RIMBP2: variants seen among roughly 807,000 people sequenced by gnomAD.
RIMBP2 encodes RIMS-binding protein 2.
RIMBP2 carries 48 observed loss-of-function variants against 118.6 expected under a neutral mutation model. That is an observed-to-expected ratio of 0.40 (90% confidence interval 0.32 to 0.51). The LOEUF is 0.51. Among genes scored for constraint, RIMBP2 ranks in the 20% least tolerant of loss-of-function variants. The pLI is 0.41. For missense variants in RIMBP2, 1,551 were observed against 1,768.3 expected (o/e 0.88, Z 2.20); for synonymous variants, 762 against 742.9 (o/e 1.03, Z -0.42).
intron 17 of RIMBP2, among the ~76,000 whole-genome samples, chr12:130,416,181 A>G (rs1241909883): frequency 6.6e-6 from 1 of 152,250 alleles, no homozygotes; most frequent in Non-Finnish European, 1.5e-5. Context: ...TGCTATTTCT[A>G]TCAAACTTCC....
At chr12:130,530,732 A>G (rs981265701) in intron 2 of RIMBP2, among the ~76,000 whole-genome samples, 3 of 152,194 alleles carry the variant, frequency 2.0e-5, no homozygotes, top group African/African-American at 7.2e-5. Context: ...CTTTTTCAAG[A>G]GCTGATTTAT....
chr12:130,570,037 C>G (rs1168807694), intron 2 of RIMBP2, among the ~76,000 whole-genome samples: 1 of 152,166 alleles, frequency 6.6e-6, no homozygotes, highest in Non-Finnish European at 1.5e-5. Context: ...GAAAATCACA[C>G]ACCTTGATTA....
chr12:130,605,783 G>A (rs1594008047), intron 2 of RIMBP2, among the ~76,000 whole-genome samples: 1 of 152,282 alleles, frequency 6.6e-6, no homozygotes, highest in Middle Eastern at 3.4e-3. Flanking sequence ...CTAAAAATGG[G>A]CCAGGCACAG....
chr12:130,616,430 C>T (rs1046150186), intron 2 of RIMBP2, among the ~76,000 whole-genome samples: 4 of 152,186 alleles, frequency 2.6e-5, no homozygotes, highest in East Asian at 1.9e-4. Context: ...CGGGCCAGTG[C>T]GGAATCACCT....
chr12:130,449,028 C>A (rs2078773655), intron 9 of RIMBP2, among the ~76,000 whole-genome samples: 1 of 151,958 alleles, frequency 6.6e-6, no homozygotes, highest in Non-Finnish European at 1.5e-5. Context: ...AGGGTGGCAA[C>A]TGCACTGAAG....
At chr12:130,452,083 C>T (rs905651130) in intron 7 of RIMBP2, among the ~76,000 whole-genome samples, 7 of 152,158 alleles carry the variant, frequency 4.6e-5, no homozygotes, top group Admixed American at 2.6e-4. Context: ...GGGTGTCAGA[C>T]GACAGCGCAG....
At chr12:130,705,919 G>T (rs2136824509) in intron 1 of RIMBP2, among the ~76,000 whole-genome samples, 1 of 152,360 alleles carries the variant, frequency 6.6e-6, no homozygotes, top group African/African-American at 2.4e-5. Context: ...ACCGTGACCG[G>T]CTCACTTCGC....
intron 4 of RIMBP2, among the ~76,000 whole-genome samples, chr12:130,498,689 G>A (rs1360253165): frequency 6.6e-6 from 1 of 150,696 alleles, no homozygotes; most frequent in African/African-American, 2.4e-5. Flanking sequence ...CTGTGGAGAG[G>A]CCACATGAGG....
In RIMBP2 at chr12:130,434,865, C is replaced by T. The variant is rs75712215; in HGVS notation, c.2122G>A (p.Val708Ile). ...AESSRLEKRS[V>I]FLERSSAGQY... ...CCCGCGCTGCTTCTCTCTAGGAAGACGCTCCTTTTCTCTAACTTGGAAAGA... is the reference window on the plus strand; with the variant it reads ...CCCGCGCTGCTTCTCTCTAGGAAGATGCTCCTTTTCTCTAACTTGGAAAGA... Residue 708 changes from valine to isoleucine, a missense_variant, in exon 14 of 23, where the codon GTC (valine) becomes ATC (isoleucine). Val to Ile is a conservative substitution (Grantham distance 29). Around this residue, in one of 5 missense-constraint regions of RIMBP2, gnomAD observed 1,038 missense variants for 1,125.1 expected, o/e 0.92. Transcript: ENST00000690449. This position sits in a 1 kb window ranked among gnomAD's most constrained non-coding sequence, Gnocchi z 5.7. 2,218 of 1,606,798 alleles carry T rather than the reference C, an allele frequency of 1.4e-3. 24 individuals are homozygous for T. The African/African-American group carries it at 0.025, about 18-fold the overall frequency.
At chr12:130,414,505 T>G in intron 17 of RIMBP2, 199 bp from the exon 18 acceptor site, 1 of 507,898 alleles carries the variant, frequency 2.0e-6, no homozygotes, top group Non-Finnish European at 3.5e-6. Flanking sequence ...ACAGCCACAC[T>G]CTGTACCTGG....
At chr12:130,658,367 C>T (rs7966789) in intron 1 of RIMBP2, 45,951 of 152,168 alleles carry the variant, frequency 0.3, 7,463 homozygotes, top group Non-Finnish European at 0.38. Flanking sequence ...ACGCACCTAC[C>T]TTCTGGGCAA....
rs1293559051 is a variant in RIMBP2 at position 130,450,502 on chromosome 12, G to A, written c.505-226C>T. 6.6e-6 allele frequency among the ~76,000 whole-genome samples: 1 copy of A among 151,922 alleles called. No homozygotes were observed. The highest frequency in any genetic ancestry group is 2.4e-5 in the African/African-American group (1 of 41,342). The stretch of plus-strand genomic sequence containing the variant: ...TATTACATAGGCCCCCTCTGTGTTT[G>A]TAGAGAACCCAGTCCCCAAACAGGA... On this transcript the variant is annotated intron_variant, in intron 8 of 22. Coordinates refer to ENST00000690449, the MANE Select transcript of RIMBP2 (RefSeq NM_001393629.1). The surrounding 1 kb of genome is among the most constrained non-coding windows in gnomAD (Gnocchi z 4.8).
In RIMBP2 at chr12:130,691,976, G is replaced by A. The variant is rs77703865; in HGVS notation, c.-352+24246C>T. On this transcript the variant is annotated intron_variant, in intron 1 of 22. Coordinates refer to ENST00000690449, the MANE Select transcript of RIMBP2 (RefSeq NM_001393629.1). ...GGATACAGTCTAAGATGTGGTCTGC[G>A]GGTGCTGCGAGGGGTCTAAGGAAAA... is the stretch of plus-strand genomic sequence containing the variant. Among the ~76,000 whole-genome samples, 1,077 of 152,308 alleles carry A rather than the reference G, an allele frequency of 7.1e-3. 15 individuals are homozygous for A. Among genetic ancestry groups the A allele is most frequent in the African/African-American group, 0.025 (1,022 of 41,568 alleles).
chr12:130,496,875 T>C (rs544176387), intron 4 of RIMBP2, among the ~76,000 whole-genome samples: 1 of 152,312 alleles, frequency 6.6e-6, no homozygotes, highest in South Asian at 2.1e-4. Context: ...CCGATGTCAC[T>C]GAGCAGAGTA....
chr12:130,407,813 A>G lies in RIMBP2; in HGVS notation c.3606T>C (p.Ser1202=). ...PVEKIERSRR[S]GRRHSVSTRR... ...GCGTCGATACCGAATGACGCCTGCC[A>G]CTTCTCCTGCTTCTCTCTGTTCAGA... Residue 1202 remains serine, a synonymous_variant, in exon 20 of 23, where the codon AGT becomes AGC. Transcript: ENST00000690449. 1 of 1,614,012 alleles carries G rather than the reference A, an allele frequency of 6.2e-7. No homozygotes were observed.
At chr12:130,527,231 C>T (rs7955623) in intron 2 of RIMBP2, among the ~76,000 whole-genome samples, 67,177 of 151,902 alleles carry the variant, frequency 0.44, 15,388 homozygotes, top group Admixed American at 0.51. Flanking sequence ...TAAATGTATT[C>T]TTCAAGTCGT....
At chr12:130,517,977 T>C (rs2051653909) in intron 2 of RIMBP2, 60 bp from the exon 3 acceptor site, 4 of 699,714 alleles carry the variant, frequency 5.7e-6, no homozygotes, top group African/African-American at 3.9e-5. Flanking sequence ...CTTGGTAGAG[T>C]GCAGTGGTTA....
chr12:130,658,038 G>C (rs1234451180), intron 1 of RIMBP2: 3 of 152,348 alleles, frequency 2.0e-5, no homozygotes, highest in Admixed American at 2.0e-4. Context: ...CCTCCCAAGG[G>C]CTTGGGTTGT....
intron 1 of RIMBP2, among the ~76,000 whole-genome samples, chr12:130,698,597 A>G (rs1466119969): frequency 6.6e-6 from 1 of 152,216 alleles, no homozygotes; most frequent in African/African-American, 2.4e-5. Flanking sequence ...CTCTACTAAA[A>G]ATACAAAAAT....
Sources: gnomAD v4.1 joint callset for allele counts (sites outside exome capture counted in the v4.1 genomes callset) on GRCh38, gnomAD v4.1.1 for gene constraint, gnomAD v4.1.1 regional missense constraint, Gnocchi (gnomAD v3.1) non-coding constraint, MANE v1.5 for transcripts, NCBI Gene and HGNC (gene_info 2026-07-23, HGNC 2026-07-21) for gene names.